The following SORCS1 variants were observed in gnomAD, a reference collection of about 807,000 sequenced individuals.
SORCS1 encodes sortilin related VPS10 domain containing receptor 1, also known as VPS10 domain-containing receptor SorCS1.
A neutral mutation model predicts 146.1 loss-of-function variants in SORCS1; 60 were observed. The ratio of observed to expected loss-of-function variants is 0.41; its 90% confidence interval spans 0.33 to 0.51. The LOEUF (loss-of-function observed/expected upper bound fraction) is 0.51. Among genes scored for constraint, SORCS1 ranks in the 20% least tolerant of loss-of-function variants. The pLI is 0.21. For missense variants in SORCS1, 1,352 were observed against 1,487.6 expected, an observed-to-expected ratio of 0.91 and a Z score of 1.50; for synonymous variants, 637 against 584.0, an observed-to-expected ratio of 1.09 and a Z score of -1.31.
At chr10:107,079,377 G>A (rs1963152359) in intron 1 of SORCS1, among the ~76,000 whole-genome samples, 1 of 152,168 alleles carries the variant, frequency 6.6e-6, no homozygotes, top group Non-Finnish European at 1.5e-5. Flanking sequence ...TTATTGTTAA[G>A]TGACTACAAA....
intron 23 of SORCS1, among the ~76,000 whole-genome samples, chr10:106,598,507 G>A (rs1210528633): frequency 1.3e-5 from 2 of 151,738 alleles, no homozygotes; most frequent in Non-Finnish European, 2.9e-5. Flanking sequence ...TGATCAGCCC[G>A]CCTCAGCCTC....
chr10:106,806,750 C>T lies in SORCS1; in HGVS notation c.726+22824G>A, dbSNP rs947347074. On this transcript the variant is annotated intron_variant, in intron 3 of 25. Coordinates refer to ENST00000263054, the MANE Select transcript of SORCS1 (RefSeq NM_052918.5). ...CAGGATGGTCTCCACCTCCTGACCT[C>T]GTGATCAGCCCACCCTGGCCTCCTG... Among the ~76,000 whole-genome samples, 7 of 151,784 alleles carry T rather than the reference C, an allele frequency of 4.6e-5. 1 individual carries two copies. The highest frequency in any genetic ancestry group is 3.3e-4 in the Admixed American group (5 of 15,226).
At chr10:106,701,624 A>AT (rs1272075109) in intron 8 of SORCS1, among the ~76,000 whole-genome samples, 2 of 152,178 alleles carry the variant, frequency 1.3e-5, no homozygotes, top group African/African-American at 4.8e-5. Context: ...ATCCTGTGAC[A>AT]TTTTTTTGGT....
chr10:106,937,184 T>TTC (rs1229328126), intron 2 of SORCS1, among the ~76,000 whole-genome samples: 14 of 151,478 alleles, frequency 9.2e-5, no homozygotes, highest in African/African-American at 2.9e-4. Flanking sequence ...TTTTTTTTTT[T>TTC]TTTGAGATAG....
intron 12 of SORCS1, among the ~76,000 whole-genome samples, chr10:106,678,807 C>T (rs538641926): frequency 5.3e-4 from 81 of 152,152 alleles, no homozygotes; most frequent in Non-Finnish European, 8.8e-4. Flanking sequence ...CATCTCAGAA[C>T]ACCACCTGGG....
At chr10:107,044,958 G>A (rs1329321700) in intron 1 of SORCS1, among the ~76,000 whole-genome samples, 1 of 152,116 alleles carries the variant, frequency 6.6e-6, no homozygotes, top group East Asian at 1.9e-4. Flanking sequence ...TTTGACATAA[G>A]GCTTTAGGAA....
At chr10:106,595,004 T>C (rs1845824132) in intron 24 of SORCS1, among the ~76,000 whole-genome samples, 1 of 152,224 alleles carries the variant, frequency 6.6e-6, no homozygotes, top group African/African-American at 2.4e-5. Flanking sequence ...TTAGGATGAC[T>C]ACAACTCTTG....
chr10:106,748,565 G>A (rs1312128802), intron 5 of SORCS1, among the ~76,000 whole-genome samples: 13 of 151,934 alleles, frequency 8.6e-5, no homozygotes, highest in Admixed American at 6.6e-4. Context: ...AGTCTGGAAC[G>A]AAACCCACAA....
chr10:107,055,091 T>C (rs186124707), intron 1 of SORCS1, among the ~76,000 whole-genome samples: 74 of 152,074 alleles, frequency 4.9e-4, no homozygotes, highest in African/African-American at 1.7e-3. Flanking sequence ...GTGGAAGGGA[T>C]TAATTTTGAA....
At chr10:106,594,437 G>A (rs558717960) in intron 24 of SORCS1, among the ~76,000 whole-genome samples, 11 of 152,180 alleles carry the variant, frequency 7.2e-5, no homozygotes, top group Admixed American at 2.6e-4. Flanking sequence ...ATCATTTATC[G>A]TTTCTTTGTG....
intron 2 of SORCS1, among the ~76,000 whole-genome samples, chr10:106,888,659 C>T (rs1217331951): frequency 1.3e-5 from 2 of 152,064 alleles, no homozygotes; most frequent in African/African-American, 2.4e-5. Context: ...AGTGTCACTT[C>T]GATAACCATC....
chr10:106,577,417 T>C lies in SORCS1; in HGVS notation c.*3A>G. On this transcript the variant is annotated 3_prime_UTR_variant, in exon 26 of 26. Transcript: ENST00000263054. The stretch of plus-strand genomic sequence containing the variant: ...GGTCGCCTGTAGCCTTTGGGGGTTT[T>C]CCTTAAATTGCATACTGTGCCCCAG... 1 of 1,613,800 alleles carries C rather than the reference T, an allele frequency of 6.2e-7. No individual in the cohort carries two copies. The highest frequency in any genetic ancestry group is 8.5e-7 in the Non-Finnish European group (1 of 1,179,772).
intron 1 of SORCS1, among the ~76,000 whole-genome samples, chr10:106,986,786 G>GT (rs1429034714): frequency 6.6e-6 from 1 of 151,960 alleles, no homozygotes; most frequent in Admixed American, 6.6e-5. Flanking sequence ...ATTTTAGATC[G>GT]TATGTTTTCA....
At chr10:107,042,113 A>G (rs1018474511) in intron 1 of SORCS1, among the ~76,000 whole-genome samples, 2 of 152,174 alleles carry the variant, frequency 1.3e-5, no homozygotes, top group South Asian at 4.1e-4. Context: ...TCCTGTAATT[A>G]TGCTTGAAAT....
At chr10:106,880,514 A>C (rs2137710755) in intron 2 of SORCS1, among the ~76,000 whole-genome samples, 1 of 152,260 alleles carries the variant, frequency 6.6e-6, no homozygotes, top group East Asian at 1.9e-4. Flanking sequence ...TTAAAGATTC[A>C]GATTCATGGG....
intron 2 of SORCS1, among the ~76,000 whole-genome samples, chr10:106,851,270 T>C (rs965854963): frequency 6.6e-6 from 1 of 152,252 alleles, no homozygotes; most frequent in African/African-American, 2.4e-5. Flanking sequence ...GTCATCACCA[T>C]ATCCAAGGTC....
intron 10 of SORCS1, among the ~76,000 whole-genome samples, chr10:106,687,718 G>A (rs2135628313): frequency 6.6e-6 from 1 of 152,124 alleles, no homozygotes; most frequent in South Asian, 2.1e-4. Context: ...ATAAATCAGT[G>A]GTTCTTACCT....
intron 23 of SORCS1, among the ~76,000 whole-genome samples, 194 bp from the exon 24 acceptor site, chr10:106,597,644 C>T (rs1845984784): frequency 6.6e-6 from 1 of 152,098 alleles, no homozygotes; most frequent in South Asian, 2.1e-4. Context: ...CCTGTCTTTA[C>T]GTGCTAATTG....
chr10:106,841,839 A>G (rs537175707), intron 2 of SORCS1, among the ~76,000 whole-genome samples: 105 of 152,294 alleles, frequency 6.9e-4, no homozygotes, highest in African/African-American at 2.5e-3. Flanking sequence ...ATCTCAGTAA[A>G]TCTCAGTTGC....
Sources: allele counts gnomAD v4.1 joint callset (sites outside exome capture counted in the v4.1 genomes callset), GRCh38; gene constraint gnomAD v4.1.1; transcripts MANE v1.5; gene names NCBI Gene and HGNC (gene_info 2026-07-23, HGNC 2026-07-21).